The following EIF2AK2 variants were observed in gnomAD, a reference collection of about 807,000 sequenced individuals.
EIF2AK2 encodes eukaryotic translation initiation factor 2 alpha kinase 2.
A neutral mutation model predicts 70.5 loss-of-function variants in EIF2AK2; 40 were observed. That is an observed-to-expected ratio of 0.57 (90% CI 0.44 to 0.74). EIF2AK2 has a LOEUF of 0.74. Ranked by LOEUF, EIF2AK2 falls within the 30% of genes least tolerant of loss-of-function variation. The probability of loss-of-function intolerance (pLI) is 0.00; values close to 1 mark genes in which losing one functional copy is unlikely to be tolerated. For synonymous variants in EIF2AK2, 198 were observed against 220.9 expected (o/e 0.90, Z 0.92); for missense variants, 555 against 644.3 (o/e 0.86, Z 1.50).
Position 37,141,640 on chromosome 2 carries a change from T to G in EIF2AK2, c.302A>C (p.Tyr101Ser). Residue 101 changes from tyrosine to serine, a missense_variant, in exon 5 of 17, where the codon TAC (tyrosine) becomes TCC (serine). By Grantham distance (144) the Tyr-to-Ser change is moderately radical. This residue lies in a region of EIF2AK2 where 208 missense variants were observed against 191.8 expected (regional missense o/e 1.08). Coordinates refer to ENST00000233057, the MANE Select transcript of EIF2AK2 (RefSeq NM_001135651.3). ...GGCAATTCTATTGATAAGGCCTATG[T>G]AATTCCCCATGGATAATCCTTCTGA... ...NSSEGLSMGN[Y>S]IGLINRIAQK... The G allele has an allele frequency of 6.2e-7, 1 of 1,614,158 alleles. No individual in the cohort carries two copies. The highest frequency in any genetic ancestry group is 8.5e-7 in the Non-Finnish European group (1 of 1,180,002).
Position 37,114,763 on chromosome 2 carries a change from T to TA in EIF2AK2, c.1344dup (p.Lys449Ter). ...GGGCTCATGTATCGCAAAGTTCCCT[T>TA]ACTCCTTGTTCGCTTTCCATCATTT... On this transcript the variant is annotated frameshift_variant, in exon 14 of 17. Transcript: ENST00000233057. LOFTEE classifies it high-confidence loss of function. 3.1e-6 allele frequency: 5 copies of TA among 1,603,834 alleles called. No homozygotes were observed. Among genetic ancestry groups the TA allele is most frequent in the Non-Finnish European group, 4.3e-6 (5 of 1,175,452 alleles).
chr2:37,136,514 A>G (rs1675132630), intron 9 of EIF2AK2, among the ~76,000 whole-genome samples: 1 of 152,250 alleles, frequency 6.6e-6, no homozygotes, highest in Non-Finnish European at 1.5e-5. Context: ...TCTACTGCTC[A>G]GAATATACTG....
intron 10 of EIF2AK2, among the ~76,000 whole-genome samples, chr2:37,134,143 A>G (rs1389505745): frequency 6.6e-6 from 1 of 152,168 alleles, no homozygotes; most frequent in African/African-American, 2.4e-5. Context: ...ATAAACTCCA[A>G]AAAGGAGCTT....
Position 37,139,786 on chromosome 2 carries a change from C to T in EIF2AK2, c.390-29G>A, listed in dbSNP as rs574848406. 2.3e-5 allele frequency: 37 copies of T among 1,581,860 alleles called. No individual in the cohort carries two copies. In the East Asian group the frequency reaches 7.9e-4, roughly 34 times the overall value. ...GGAGAAATCATAGAAGGTACTTATC[C>T]AAACATGAAAAATATAGCAAATCCA... is the stretch of plus-strand genomic sequence containing the variant. On this transcript the variant is annotated intron_variant, in intron 5 of 16. Coordinates refer to ENST00000233057, the MANE Select transcript of EIF2AK2 (RefSeq NM_001135651.3).
intron 6 of EIF2AK2, 124 bp downstream of exon 6, chr2:37,139,507 A>G: frequency 1.5e-6 from 2 of 1,369,040 alleles, no homozygotes; most frequent in Non-Finnish European, 2.0e-6. Flanking sequence ...GGTACGACAC[A>G]GAATGGAGGA....
At chr2:37,136,703 G>T in intron 9 of EIF2AK2, 1 of 225,286 alleles carries the variant, frequency 4.4e-6, no homozygotes. Flanking sequence ...CTTCTACAGT[G>T]AAAACAGCCC....
intron 5 of EIF2AK2, 130 bp from the exon 6 acceptor site, chr2:37,139,887 C>T (rs540531864): frequency 1.1e-6 from 1 of 948,728 alleles, no homozygotes; most frequent in East Asian, 2.8e-5. Context: ...ATTTATAGTT[C>T]ATATCTTGCA....
intron 11 of EIF2AK2, among the ~76,000 whole-genome samples, chr2:37,125,261 A>G (rs1156799819): frequency 6.6e-6 from 1 of 151,932 alleles, no homozygotes; most frequent in Non-Finnish European, 1.5e-5. Context: ...TCCGCCTGCC[A>G]CGGCCTCCCA....
intron 1 of EIF2AK2, among the ~76,000 whole-genome samples, chr2:37,154,144 T>G (rs549691796): frequency 2.6e-5 from 4 of 152,136 alleles, no homozygotes; most frequent in Admixed American, 2.0e-4. Context: ...CTGACCAACA[T>G]GGAGAAACCC....
Position 37,146,876 on chromosome 2 carries a change from C to G in EIF2AK2, c.217G>C (p.Glu73Gln), listed in dbSNP as rs1356705339. 2 of 1,613,908 alleles carry G rather than the reference C, an allele frequency of 1.2e-6. No individual in the cohort carries two copies. Among genetic ancestry groups the G allele is most frequent in the East Asian group, 2.2e-5 (1 of 44,858 alleles). ...AKNAAAKLAV[E>Q]ILNKEKKAVS... ...ACCTTCTTTTCCTTATTAAGTATCT[C>G]AACAGCTAATTTGGCTGCGGCATTT... is the stretch of plus-strand genomic sequence containing the variant. The change falls in exon 4 of 17, where the codon GAG becomes CAG. Residue 73 changes from glutamate (E) to glutamine (Q), a missense_variant. Around this residue, in one of 3 missense-constraint regions of EIF2AK2, gnomAD observed 208 missense variants for 191.8 expected, o/e 1.08. Transcript: ENST00000233057.
intron 11 of EIF2AK2, among the ~76,000 whole-genome samples, chr2:37,125,434 T>C (rs528473046): frequency 3.9e-5 from 6 of 152,368 alleles, no homozygotes; most frequent in South Asian, 2.1e-4. Context: ...TTGATGGTAG[T>C]GACGTTCTGG....
chr2:37,136,462 C>T (rs1675129933), intron 9 of EIF2AK2, among the ~76,000 whole-genome samples: 3 of 152,210 alleles, frequency 2.0e-5, no homozygotes, highest in African/African-American at 7.2e-5. Context: ...TTCTCTCCAT[C>T]CAAGCATCCA....
At chr2:37,110,567 T>G (rs4648233) in intron 14 of EIF2AK2, among the ~76,000 whole-genome samples, 3,409 of 152,306 alleles carry the variant, frequency 0.022, 64 homozygotes, top group Non-Finnish European at 0.033. Context: ...CTATATTTTT[T>G]ATGCCAACTG....
chr2:37,154,827 G>T (rs952946143), intron 1 of EIF2AK2, among the ~76,000 whole-genome samples: 2 of 152,070 alleles, frequency 1.3e-5, no homozygotes, highest in African/African-American at 4.8e-5. Flanking sequence ...CTCCCAAAGT[G>T]CTGCGATTAC....
intron 1 of EIF2AK2, among the ~76,000 whole-genome samples, chr2:37,149,957 C>T (rs1192829955): frequency 3.9e-5 from 6 of 151,910 alleles, no homozygotes; most frequent in African/African-American, 1.2e-4. Context: ...AACAAAGCAA[C>T]GAAAAATGAT....
rs774118494 is a variant in EIF2AK2, at chr2:37,109,287, C to T, written c.1386G>A (p.Ser462=). Residue 462 remains serine, a synonymous_variant, in exon 15 of 17, where the codon TCG becomes TCA. Transcript: ENST00000233057. ...GGTCCACTTCCTTTCCATAGTCTTG[C>T]GAAGAAATCTAAAGAGACCAAAATA... The part of the protein sequence containing the change: ...LRYMSPEQIS[S]QDYGKEVDLY... 21 of 1,613,642 alleles carry T rather than the reference C, an allele frequency of 1.3e-5. No homozygotes were observed. Among genetic ancestry groups the T allele is most frequent in the South Asian group, 2.2e-5 (2 of 91,010 alleles).
chr2:37,147,353 A>C (rs1029140534), intron 3 of EIF2AK2, among the ~76,000 whole-genome samples: 3 of 151,294 alleles, frequency 2.0e-5, no homozygotes, highest in South Asian at 2.1e-4. Flanking sequence ...TTTAGGGTAC[A>C]TGTGCACAAC....
At chr2:37,109,032 C>T (rs1674057672) in intron 15 of EIF2AK2, among the ~76,000 whole-genome samples, 162 bp downstream of exon 15, 1 of 152,204 alleles carries the variant, frequency 6.6e-6, no homozygotes, top group African/African-American at 2.4e-5. Flanking sequence ...TGTTTGGTCT[C>T]TGCCAAACCT....
chr2:37,140,843 T>C (rs1237594896), intron 5 of EIF2AK2, among the ~76,000 whole-genome samples: 1 of 152,218 alleles, frequency 6.6e-6, no homozygotes, highest in Non-Finnish European at 1.5e-5. Flanking sequence ...CCTAAAGTGA[T>C]GATTTAAACT....
Sources: allele counts gnomAD v4.1 joint callset (sites outside exome capture counted in the v4.1 genomes callset), GRCh38; gene constraint gnomAD v4.1.1; regional missense constraint gnomAD v4.1.1; transcripts MANE v1.5; gene names NCBI Gene and HGNC (gene_info 2026-07-23, HGNC 2026-07-21).